ANO1: variants seen among roughly 807,000 people sequenced by gnomAD.
ANO1 encodes the protein anoctamin-1.
Under a neutral mutation model 124.0 loss-of-function variants are expected in ANO1, and 59 were observed. That is an observed-to-expected ratio of 0.48 (90% confidence interval 0.39 to 0.59). The LOEUF (loss-of-function observed/expected upper bound fraction) is 0.59, where lower values mean the gene tolerates loss of function less well. Ranked by LOEUF, ANO1 falls within the 20% of genes least tolerant of loss-of-function variation. The probability of loss-of-function intolerance (pLI) is 0.00; values close to 1 mark genes in which losing one functional copy is unlikely to be tolerated. For missense variants in ANO1, 1,059 were observed against 1,328.0 expected, an observed-to-expected ratio of 0.80 and a Z score of 3.15; for synonymous variants, 529 against 532.0, an observed-to-expected ratio of 0.99 and a Z score of 0.08.
the ANO1 span, among the ~76,000 whole-genome samples, chr11:69,970,362 C>A: frequency 2.0e-5 from 3 of 152,176 alleles, no homozygotes; most frequent in Non-Finnish European, 1.5e-5. Flanking sequence ...CAGCAGCCCC[C>A]GGAGCCCAGA....
chr11:69,995,484 A>G (rs1336616962), intron 1 of ANO1, among the ~76,000 whole-genome samples: 1 of 152,192 alleles, frequency 6.6e-6, no homozygotes, highest in Non-Finnish European at 1.5e-5. Context: ...GATCCCCTCC[A>G]GAACACCACA....
At chr11:70,138,224 A>C (rs1410780711) in intron 11 of ANO1, among the ~76,000 whole-genome samples, 5 of 146,288 alleles carry the variant, frequency 3.4e-5, no homozygotes, top group African/African-American at 4.9e-5. Context: ...ACGCGCCTGT[A>C]GTCCCAGCTA....
intron 1 of ANO1, among the ~76,000 whole-genome samples, chr11:70,083,268 T>C (rs1399341378): frequency 6.6e-6 from 1 of 152,152 alleles, no homozygotes; most frequent in Non-Finnish European, 1.5e-5. Context: ...ACAGGTTTCA[T>C]CCTTCCAGCA....
intron 2 of ANO1, among the ~76,000 whole-genome samples, chr11:70,091,993 C>T (rs1241627806): frequency 6.6e-6 from 1 of 152,188 alleles, no homozygotes; most frequent in African/African-American, 2.4e-5. Context: ...CAGATGGATG[C>T]TGTCATAGCT....
chr11:70,161,541 CA>C, intron 17 of ANO1, 80 bp from the exon 18 acceptor site: 1 of 1,492,278 alleles, frequency 6.7e-7, no homozygotes, highest in Non-Finnish European at 9.3e-7. Flanking sequence ...GTGACTGTGC[CA>C]GTGGCCAGCC....
chr11:70,041,992 C>T (rs138933765), intron 1 of ANO1, among the ~76,000 whole-genome samples: 35 of 152,136 alleles, frequency 2.3e-4, no homozygotes, highest in Non-Finnish European at 1.8e-4. Flanking sequence ...GGAACTAGGG[C>T]ACCTCAGAGA....
At chr11:70,097,498 C>G (rs2135313871) in intron 2 of ANO1, among the ~76,000 whole-genome samples, 1 of 152,354 alleles carries the variant, frequency 6.6e-6, no homozygotes, top group Non-Finnish European at 1.5e-5. Flanking sequence ...TGCCCAGGGA[C>G]TGAGAGCATC....
intron 15 of ANO1, 85 bp from the exon 16 acceptor site, chr11:70,156,858 TGCAC>T: frequency 8.5e-7 from 1 of 1,179,658 alleles, no homozygotes; most frequent in Non-Finnish European, 1.2e-6. Flanking sequence ...CCTGGGCCCA[TGCAC>T]GCACGCACAT....
chr11:70,005,251 C>T lies in ANO1; in HGVS notation c.58+19085C>T, dbSNP rs578058260. Among the ~76,000 whole-genome samples the T allele has an allele frequency of 3.2e-3, 482 of 152,264 alleles. 4 individuals carry two copies. Among genetic ancestry groups the T allele is most frequent in the African/African-American group, 0.011 (462 of 41,542 alleles). ...TTCTCATTTACTCCACCCAAATCCC[C>T]TCACAGATTGATATCATTTTCATTA... On this transcript the variant is annotated intron_variant, in intron 1 of 27. Coordinates refer to the ANO1 transcript ENST00000531349.
chr11:70,163,306 AC>A lies in ANO1; in HGVS notation c.1917del (p.Tyr639Ter). The A allele has an allele frequency of 6.2e-7, 1 of 1,613,916 alleles. No homozygotes were observed. Among genetic ancestry groups the A allele is most frequent in the Non-Finnish European group, 8.5e-7 (1 of 1,179,880 alleles). On this transcript the variant is annotated frameshift_variant, in exon 19 of 26. Coordinates refer to ENST00000355303, the MANE Select transcript of ANO1 (RefSeq NM_018043.7). LOFTEE classifies it high-confidence loss of function. ...KGRFVGRPGD[Y>X]VYIFRSFRME... Reference sequence around the variant, plus strand: ...AGGTTTGTTGGACGCCCGGGCGACTACGTGTACATTTTCCGTTCCTTCCGAA... The same window carrying A: ...AGGTTTGTTGGACGCCCGGGCGACTAGTGTACATTTTCCGTTCCTTCCGAA...
intron 15 of ANO1, among the ~76,000 whole-genome samples, 193 bp from the exon 16 acceptor site, chr11:70,156,754 C>T (rs1019813132): frequency 3.3e-5 from 5 of 152,174 alleles, no homozygotes; most frequent in African/African-American, 1.2e-4. Flanking sequence ...TGATAAACCC[C>T]GAAATGCTTC....
rs1358446963 is a variant in ANO1, at chr11:70,101,522, T to C, written c.442-1544T>C. Among the ~76,000 whole-genome samples, 5 of 142,390 alleles carry C rather than the reference T, an allele frequency of 3.5e-5. No homozygotes were observed. In the South Asian group the frequency reaches 8.9e-4, roughly 25 times the overall value. 93.4% of individuals were successfully genotyped at this position (142,390 alleles called of 152,430 possible). A position where few individuals can be genotyped will look rare whatever the true frequency, so the allele number is the denominator to read the frequency against. On this transcript the variant is annotated intron_variant, in intron 2 of 25. Transcript: ENST00000355303. ...AGTGAGCTGAGAACACGCCACTGCA[T>C]TCCAGCCTGGGAAACAAGAGTGAGA...
At chr11:69,980,035 C>A in the ANO1 span, among the ~76,000 whole-genome samples, 2 of 152,148 alleles carry the variant, frequency 1.3e-5, no homozygotes, top group Non-Finnish European at 2.9e-5. Flanking sequence ...GTGCTTCTTC[C>A]TCTCCACTTT....
At chr11:70,050,756 C>G (rs1054260502) in intron 1 of ANO1, among the ~76,000 whole-genome samples, 3 of 152,160 alleles carry the variant, frequency 2.0e-5, no homozygotes, top group African/African-American at 2.4e-5. Context: ...AAGATAGGAC[C>G]TGGGTTCAAA....
At chr11:70,007,084 C>A (rs1363609043) in intron 1 of ANO1, among the ~76,000 whole-genome samples, 1 of 152,126 alleles carries the variant, frequency 6.6e-6, no homozygotes, top group Admixed American at 6.5e-5. Flanking sequence ...CATTGAACAG[C>A]AACTTCCCCC....
At position 70,188,112 on chromosome 11, in the gene ANO1, T is replaced by C; in HGVS notation, c.*108T>C. On this transcript the variant is annotated 3_prime_UTR_variant, in exon 26 of 26. Coordinates refer to ENST00000355303, the MANE Select transcript of ANO1 (RefSeq NM_018043.7). ...ACCAGGGCCCGGTGGGTCCTGGGTT[T>C]TCTGCAAACATGGAGGACCACTTTC... 1.5e-6 allele frequency: 2 copies of C among 1,315,978 alleles called. No homozygotes were observed. Among genetic ancestry groups the C allele is most frequent in the Non-Finnish European group, 2.0e-6 (2 of 988,008 alleles). The allele number at this position is 1,315,978 out of a possible 1,614,324, so 81.5% of individuals were successfully genotyped here.
At chr11:70,085,012 G>A (rs958963144) in intron 1 of ANO1, among the ~76,000 whole-genome samples, 10 of 152,142 alleles carry the variant, frequency 6.6e-5, no homozygotes, top group Admixed American at 1.3e-4. Context: ...CCTGGGCCGA[G>A]AAACAGCGTC....
Position 70,100,098 on chromosome 11 carries a change from A to G in ANO1, c.442-2968A>G, listed in dbSNP as rs547989364. Among the ~76,000 whole-genome samples, 386 of 152,246 alleles carry G rather than the reference A, an allele frequency of 2.5e-3. 1 individual carries two copies. Among genetic ancestry groups the G allele is most frequent in the South Asian group, 7.7e-3 (37 of 4,826 alleles). ...ATTCTCCAGTCACCGTGCCTGGGGC[A>G]GCCTAGTCCTGCTGTCTCCCTGAAG... On this transcript the variant is annotated intron_variant, in intron 2 of 25. Coordinates refer to ENST00000355303, the MANE Select transcript of ANO1 (RefSeq NM_018043.7).
At chr11:70,043,744 G>A (rs1247061066) in intron 1 of ANO1, among the ~76,000 whole-genome samples, 1 of 151,992 alleles carries the variant, frequency 6.6e-6, no homozygotes, top group African/African-American at 2.4e-5. Context: ...AAATAAAGGT[G>A]AAATAAAGAC....
Sources: allele counts gnomAD v4.1 joint callset (sites outside exome capture counted in the v4.1 genomes callset), GRCh38; gene constraint gnomAD v4.1.1; transcripts MANE v1.5; gene names NCBI Gene and HGNC (gene_info 2026-07-23, HGNC 2026-07-21).